MAL2: variants seen among roughly 807,000 people sequenced by gnomAD.
MAL2 encodes mal, T cell differentiation protein 2.
In MAL2, 17 loss-of-function variants were observed where a neutral mutation model predicts 18.1. The observed-to-expected ratio is 0.94, with a 90% CI of 0.64 to 1.41. MAL2 has a LOEUF of 1.41. MAL2 is among the 40% of genes most tolerant of loss of function. The pLI, the probability that MAL2 is intolerant of heterozygous loss-of-function variation, is 0.00. For missense variants in MAL2, 222 were observed against 231.9 expected, an observed-to-expected ratio of 0.96 and a Z score of 0.28; for synonymous variants, 102 against 102.3, an observed-to-expected ratio of 1.00 and a Z score of 0.02.
rs2129759420 is a variant in MAL2, at chr8:119,208,456, G to C, written c.-17G>C. On this transcript the variant is annotated 5_prime_UTR_variant, in exon 1 of 4. Transcript: ENST00000614891. The surrounding 1 kb of genome is among the most constrained non-coding windows in gnomAD (Gnocchi z 4.3). Reference sequence around the variant, plus strand: ...GGCGGCGGCGGCGCGCGGAGACGCAGCAGCGGCAGCGGCAGCATGTCGGCC... The same window carrying C: ...GGCGGCGGCGGCGCGCGGAGACGCACCAGCGGCAGCGGCAGCATGTCGGCC... 8.2e-7 allele frequency: 1 copy of C among 1,223,346 alleles called. No individual in the cohort carries two copies. Among genetic ancestry groups the C allele is most frequent in the South Asian group, 3.4e-5 (1 of 29,238 alleles). 75.8% of individuals were successfully genotyped at this position (1,223,346 alleles called of 1,614,324 possible).
intron 2 of MAL2, among the ~76,000 whole-genome samples, chr8:119,232,391 TATAAGG>T (rs1224779465): frequency 6.6e-6 from 1 of 152,100 alleles, no homozygotes; most frequent in African/African-American, 2.4e-5. Flanking sequence ...AAATGATGGT[TATAAGG>T]ATGAGTAATA....
intron 2 of MAL2, among the ~76,000 whole-genome samples, chr8:119,239,065 C>G (rs1223456771): frequency 6.6e-6 from 1 of 151,220 alleles, no homozygotes; most frequent in Non-Finnish European, 1.5e-5. Context: ...ACAATGAACT[C>G]AAACAAATTT....
rs746058053 is a variant in MAL2 at position 119,240,296 on chromosome 8, G to T, written c.435G>T (p.Gln145His). 1.2e-6 allele frequency: 2 copies of T among 1,613,370 alleles called. No homozygotes were observed. Among genetic ancestry groups the T allele is most frequent in the African/African-American group, 2.7e-5 (2 of 74,896 alleles). Residue 145 changes from glutamine (Q) to histidine (H), a missense_variant, in exon 3 of 4, where the codon CAG becomes CAT. Transcript: ENST00000614891. ...ITGQPLLSDN[Q>H]YNINVAASIF... ...GGCAGCCACTCCTGAGTGATAACCA[G>T]TATAACATAAACGTAGCAGCCTCAG...
Position 119,211,584 on chromosome 8 carries a change from T to C in MAL2, c.132+2980T>C, listed in dbSNP as rs78027309. ...TCACAGCCTGTCAGATATAAGCCAT[T>C]TGTTGGGAGATATTACAAAATATAT... On this transcript the variant is annotated intron_variant, in intron 1 of 3. Coordinates refer to ENST00000614891, the MANE Select transcript of MAL2 (RefSeq NM_052886.3). 6.0e-3 allele frequency among the ~76,000 whole-genome samples: 919 copies of C among 152,218 alleles called. 12 individuals carry two copies. The highest frequency in any genetic ancestry group is 0.014 in the Middle Eastern group (4 of 294).
intron 1 of MAL2, among the ~76,000 whole-genome samples, chr8:119,213,760 G>T (rs1817301106): frequency 6.6e-6 from 1 of 152,192 alleles, no homozygotes; most frequent in Admixed American, 6.5e-5. Context: ...CAGAGTTGCA[G>T]TGAGCCAAGA....
intron 2 of MAL2, among the ~76,000 whole-genome samples, chr8:119,236,326 C>T (rs1186177571): frequency 1.3e-5 from 2 of 148,568 alleles, no homozygotes; most frequent in Non-Finnish European, 1.5e-5. Flanking sequence ...GAGACTTAGA[C>T]TCCCACACAT....
At chr8:119,235,236 G>A (rs538964177) in intron 2 of MAL2, among the ~76,000 whole-genome samples, 5 of 151,974 alleles carry the variant, frequency 3.3e-5, no homozygotes, top group Non-Finnish European at 5.9e-5. Context: ...GAAGCGAGAA[G>A]GGAAGTTTAG....
chr8:119,237,704 T>C (rs563364808), intron 2 of MAL2, among the ~76,000 whole-genome samples: 3 of 151,800 alleles, frequency 2.0e-5, no homozygotes, highest in Non-Finnish European at 2.9e-5. Context: ...ATTATCTCAA[T>C]AGATGCAGAA....
intron 2 of MAL2, among the ~76,000 whole-genome samples, chr8:119,234,628 C>A (rs184438820): frequency 6.6e-6 from 1 of 151,944 alleles, no homozygotes; most frequent in Non-Finnish European, 1.5e-5. Context: ...TGGCAGACTG[C>A]CTCCTCAAGT....
intron 1 of MAL2, among the ~76,000 whole-genome samples, chr8:119,209,934 C>T (rs1157268171): frequency 2.6e-5 from 4 of 151,998 alleles, no homozygotes; most frequent in Non-Finnish European, 5.9e-5. Flanking sequence ...GGGCTGGCTG[C>T]CTTGCTGTGG....
intron 2 of MAL2, among the ~76,000 whole-genome samples, chr8:119,235,467 G>A (rs1020172063): frequency 0.014 from 2,165 of 151,786 alleles, 57 homozygotes; most frequent in African/African-American, 0.05. Flanking sequence ...GATACTCCTC[G>A]AGAAGAGCAA....
At position 119,245,633 on chromosome 8, in the gene MAL2, T is replaced by A. The variant is rs1818136947; in HGVS notation, c.*2145T>A. 6.6e-6 allele frequency: 1 copy of A among 152,138 alleles called. No individual in the cohort carries two copies. The highest frequency in any genetic ancestry group is 2.4e-5 in the African/African-American group (1 of 41,292). 9.4% of individuals were successfully genotyped at this position (152,138 alleles called of 1,614,324 possible). Reference sequence around the variant, plus strand: ...AACTCCATGATGAAAAGAAATTTATTTTATACGTGTTATGTCTCTAATAAA... The same window carrying A: ...AACTCCATGATGAAAAGAAATTTATATTATACGTGTTATGTCTCTAATAAA... On this transcript the variant is annotated 3_prime_UTR_variant, in exon 4 of 4. Coordinates refer to ENST00000614891, the MANE Select transcript of MAL2 (RefSeq NM_052886.3).
At chr8:119,231,224 G>C (rs1196594010) in intron 2 of MAL2, among the ~76,000 whole-genome samples, 1 of 152,118 alleles carries the variant, frequency 6.6e-6, no homozygotes, top group Non-Finnish European at 1.5e-5. Context: ...AGTAGAGACA[G>C]GGTTTCACTG....
intron 1 of MAL2, among the ~76,000 whole-genome samples, chr8:119,216,420 A>G (rs1032936878): frequency 6.6e-6 from 1 of 152,194 alleles, no homozygotes; most frequent in Admixed American, 6.5e-5. Context: ...TTGTACCTCA[A>G]TTAACTTACC....
At chr8:119,236,913 G>A (rs1403093414) in intron 2 of MAL2, among the ~76,000 whole-genome samples, 2 of 149,576 alleles carry the variant, frequency 1.3e-5, no homozygotes, top group Non-Finnish European at 3.0e-5. Context: ...ACATTCAAAA[G>A]CTAGCAGAAG....
chr8:119,208,617 G>A lies in MAL2; in HGVS notation c.132+13G>A, dbSNP rs1389593222. 6.9e-6 allele frequency: 9 copies of A among 1,307,262 alleles called. No individual in the cohort carries two copies. Among genetic ancestry groups the A allele is most frequent in the Non-Finnish European group, 8.8e-6 (9 of 1,026,024 alleles). 81.0% of individuals were successfully genotyped at this position (1,307,262 alleles called of 1,614,324 possible). On this transcript the variant is annotated intron_variant, in intron 1 of 3. Transcript: ENST00000614891. The surrounding 1 kb of genome is among the most constrained non-coding windows in gnomAD (Gnocchi z 4.3). ...CTGCCTGGAGATTGTAAGTGGGGCC[G>A]CCGGAGCGAGGGTCGCGCGGGGAGC...
intron 2 of MAL2, among the ~76,000 whole-genome samples, chr8:119,231,259 C>A (rs1391152405): frequency 6.6e-6 from 1 of 152,176 alleles, no homozygotes; most frequent in Non-Finnish European, 1.5e-5. Flanking sequence ...GTCTCTCTCT[C>A]CTGACCTCAT....
intron 1 of MAL2, among the ~76,000 whole-genome samples, chr8:119,218,873 C>T (rs1817409012): frequency 6.6e-6 from 1 of 152,030 alleles, no homozygotes; most frequent in Non-Finnish European, 1.5e-5. Context: ...CACATAGGTT[C>T]TCAGGAAATA....
At chr8:119,239,567 A>C (rs1010480360) in intron 2 of MAL2, among the ~76,000 whole-genome samples, 2 of 151,998 alleles carry the variant, frequency 1.3e-5, no homozygotes, top group Non-Finnish European at 1.5e-5. Context: ...TGGCACATAT[A>C]CACCATGGAA....
Sources: gnomAD v4.1 joint callset for allele counts (sites outside exome capture counted in the v4.1 genomes callset) on GRCh38, gnomAD v4.1.1 for gene constraint, Gnocchi (gnomAD v3.1) non-coding constraint, MANE v1.5 for transcripts, NCBI Gene and HGNC (gene_info 2026-07-23, HGNC 2026-07-21) for gene names.